ANTXR1: variants seen among roughly 807,000 people sequenced by gnomAD.
ANTXR1 encodes the protein ANTXR cell adhesion molecule 1, also known as anthrax toxin receptor 1.
In ANTXR1, 19 loss-of-function variants were observed where a neutral mutation model predicts 78.1. The observed-to-expected ratio is 0.24, with a 90% CI of 0.17 to 0.36. The LOEUF (loss-of-function observed/expected upper bound fraction) is 0.36, where lower values mean the gene tolerates loss of function less well. ANTXR1 is among the 10% of genes least tolerant of loss of function. ANTXR1 has a pLI of 1.00. For missense variants in ANTXR1, 518 were observed against 718.6 expected (o/e 0.72, Z 3.19); for synonymous variants, 273 against 260.5 (o/e 1.05, Z -0.46).
At chr2:69,050,501 G>A (rs908836797) in intron 3 of ANTXR1, among the ~76,000 whole-genome samples, 3 of 148,598 alleles carry the variant, frequency 2.0e-5, no homozygotes, top group South Asian at 2.1e-4. Flanking sequence ...GGGAGTAAAC[G>A]GATTACATGA....
At chr2:69,153,266 G>A (rs1673444073) in intron 13 of ANTXR1, among the ~76,000 whole-genome samples, 1 of 152,220 alleles carries the variant, frequency 6.6e-6, no homozygotes, top group Non-Finnish European at 1.5e-5. Flanking sequence ...AGCACACAGT[G>A]TGAGGGAGTT....
At chr2:69,201,365 C>G (rs1674768438) in intron 17 of ANTXR1, among the ~76,000 whole-genome samples, 1 of 152,070 alleles carries the variant, frequency 6.6e-6, no homozygotes, top group Non-Finnish European at 1.5e-5. Flanking sequence ...ACACAAGGAG[C>G]AGGGTACAGA....
intron 12 of ANTXR1, among the ~76,000 whole-genome samples, chr2:69,132,722 A>G (rs554092998): frequency 3.8e-4 from 58 of 152,374 alleles, no homozygotes; most frequent in Middle Eastern, 3.4e-3. Context: ...TGCTTTATGC[A>G]TGTGGGCCTC....
chr2:69,013,543 G>T lies in ANTXR1; in HGVS notation c.44G>T (p.Trp15Leu), dbSNP rs1350279671. Residue 15 changes from tryptophan (W) to leucine (L), a missense_variant, in exon 1 of 18, where the codon TGG becomes TTG. By Grantham distance (61) the Trp-to-Leu change is moderately conservative (BLOSUM62 -2). Around this residue, in one of 5 missense-constraint regions of ANTXR1, gnomAD observed 55 missense variants for 52.5 expected, o/e 1.05. Transcript: ENST00000303714. The surrounding 1 kb of genome is among the most constrained non-coding windows in gnomAD (Gnocchi z 5.0). ...ERRALGIGFQ[W>L]LSLATLVLIC... is the part of the protein sequence containing the mutation. ...AGAGCCCTCGGCATCGGCTTCCAGT[G>T]GCTCTCTTTGGCCACTCTGGTGCTC... 1 of 1,581,920 alleles carries T rather than the reference G, an allele frequency of 6.3e-7. No individual in the cohort carries two copies. Among genetic ancestry groups the T allele is most frequent in the African/African-American group, 1.3e-5 (1 of 74,904 alleles).
chr2:69,196,733 T>C (rs1291045092), intron 17 of ANTXR1, among the ~76,000 whole-genome samples: 1 of 152,168 alleles, frequency 6.6e-6, no homozygotes, highest in Non-Finnish European at 1.5e-5. Context: ...GGTTCTGAAT[T>C]TTTTCTTTAA....
At chr2:69,124,866 C>T (rs1375230391) in intron 12 of ANTXR1, among the ~76,000 whole-genome samples, 1 of 152,136 alleles carries the variant, frequency 6.6e-6, no homozygotes, top group African/African-American at 2.4e-5. Flanking sequence ...CTCCAGCTTC[C>T]CCATTTCTGC....
Position 69,152,185 on chromosome 2 carries a change from T to C in ANTXR1, c.968T>C (p.Leu323Pro). 1 of 1,614,156 alleles carries C rather than the reference T, an allele frequency of 6.2e-7. No homozygotes were observed. The highest frequency in any genetic ancestry group is 1.1e-5 in the South Asian group (1 of 91,080). ...GCCCTGCAGTCTGACGGTTCCATCC[T>C]GGCCATCGCCCTGCTGATCCTGTTC... ...TTTHCSDGSI[L>P]AIALLILFLL... The change falls in exon 13 of 18, where the codon CTG becomes CCG. Residue 323 changes from leucine to proline, a missense_variant. By Grantham distance (98) the Leu-to-Pro change is moderately conservative. Around this residue, in one of 5 missense-constraint regions of ANTXR1, gnomAD observed 264 missense variants for 391.8 expected, o/e 0.67. Coordinates refer to ENST00000303714, the MANE Select transcript of ANTXR1 (RefSeq NM_032208.3).
rs562815305 is a variant in ANTXR1, at chr2:69,034,949, A to T, written c.153-5095A>T. 3.3e-5 allele frequency among the ~76,000 whole-genome samples: 5 copies of T among 152,256 alleles called. No individual in the cohort carries two copies. The South Asian group carries it at 1.0e-3, about 32-fold the overall frequency. The stretch of plus-strand genomic sequence containing the variant: ...CCCAGCCAACACCTACCTGGTTGTG[A>T]CCAGGAGTCCACTTAGGTCTTCAGG... On this transcript the variant is annotated intron_variant, in intron 1 of 17. Coordinates refer to ENST00000303714, the MANE Select transcript of ANTXR1 (RefSeq NM_032208.3).
At chr2:69,192,497 G>A (rs1374363401) in intron 16 of ANTXR1, among the ~76,000 whole-genome samples, 1 of 152,114 alleles carries the variant, frequency 6.6e-6, no homozygotes, top group Admixed American at 6.5e-5. Context: ...CCTGCCAAAA[G>A]CCACCATGGG....
intron 8 of ANTXR1, among the ~76,000 whole-genome samples, chr2:69,077,821 G>C (rs74844439): frequency 0.024 from 3,686 of 152,272 alleles, 151 homozygotes; most frequent in African/African-American, 0.083. Flanking sequence ...CATTGTGACT[G>C]AACACAAGCT....
At chr2:69,156,975 A>C (rs12105268) in intron 13 of ANTXR1, among the ~76,000 whole-genome samples, 81,242 of 151,982 alleles carry the variant, frequency 0.53, 22,681 homozygotes, top group East Asian at 0.9. Flanking sequence ...TCTTCTCCTT[A>C]CCTTCCTTTC....
chr2:69,207,358 T>C (rs961745593), intron 17 of ANTXR1, among the ~76,000 whole-genome samples: 1 of 152,198 alleles, frequency 6.6e-6, no homozygotes, highest in Non-Finnish European at 1.5e-5. Context: ...GCACAAACTG[T>C]TCCCCCATGA....
At chr2:69,054,821 A>C (rs1422864359) in intron 3 of ANTXR1, among the ~76,000 whole-genome samples, 1 of 152,166 alleles carries the variant, frequency 6.6e-6, no homozygotes, top group Non-Finnish European at 1.5e-5. Flanking sequence ...TGCTTGAAAG[A>C]ACTTGGATTC....
chr2:69,113,993 A>G (rs1406490592), intron 10 of ANTXR1, among the ~76,000 whole-genome samples: 1 of 152,218 alleles, frequency 6.6e-6, no homozygotes, highest in African/African-American at 2.4e-5. Flanking sequence ...TTGAGAGGAG[A>G]AAATACTTTG....
chr2:69,044,671 G>C, intron 2 of ANTXR1, 71 bp from the exon 3 acceptor site: 1 of 1,504,458 alleles, frequency 6.6e-7, no homozygotes, highest in Non-Finnish European at 9.3e-7. Context: ...GGAAGGACAG[G>C]GAGGGAGCCT....
chr2:69,181,691 C>A, intron 14 of ANTXR1, 95 bp from the exon 15 acceptor site: 2 of 1,208,168 alleles, frequency 1.7e-6, no homozygotes, highest in Non-Finnish European at 1.2e-6. Flanking sequence ...GGCAGTCTGA[C>A]TCTATAAGCT....
At chr2:69,149,747 T>A (rs554492239) in intron 12 of ANTXR1, among the ~76,000 whole-genome samples, 10 of 152,294 alleles carry the variant, frequency 6.6e-5, no homozygotes, top group Non-Finnish European at 8.8e-5. Context: ...TATCCCCACG[T>A]CAATGCAGTG....
At chr2:69,070,785 T>C in intron 4 of ANTXR1, 57 bp downstream of exon 4, 2 of 1,517,042 alleles carry the variant, frequency 1.3e-6, no homozygotes, top group Non-Finnish European at 1.8e-6. Context: ...AATATCAACA[T>C]GGGGTGACTG....
chr2:69,214,123 C>T (rs1208575912), intron 17 of ANTXR1, among the ~76,000 whole-genome samples: 1 of 152,240 alleles, frequency 6.6e-6, no homozygotes, highest in East Asian at 1.9e-4. Context: ...AGAACCTGAA[C>T]ATCCATAACA....
Sources: gnomAD v4.1 joint callset for allele counts (sites outside exome capture counted in the v4.1 genomes callset) on GRCh38, gnomAD v4.1.1 for gene constraint, gnomAD v4.1.1 regional missense constraint, Gnocchi (gnomAD v3.1) non-coding constraint, MANE v1.5 for transcripts, NCBI Gene and HGNC (gene_info 2026-07-23, HGNC 2026-07-21) for gene names.